The following TDRD12 variants were observed in gnomAD, a reference collection of about 807,000 sequenced individuals.
The protein encoded by TDRD12 is putative ATP-dependent RNA helicase TDRD12.
A neutral mutation model predicts 133.5 loss-of-function variants in TDRD12; 158 were observed. The observed-to-expected ratio is 1.18, with a 90% confidence interval of 1.04 to 1.35. TDRD12 has a LOEUF of 1.35. TDRD12 is among the 40% of genes most tolerant of loss of function. TDRD12 has a pLI of 0.00. For missense variants in TDRD12, 1,443 were observed against 1,321.3 expected (o/e 1.09, Z -1.43); for synonymous variants, 460 against 477.9 (o/e 0.96, Z 0.49).
chr19:32,764,674 T>C (rs1248474286), intron 8 of TDRD12, among the ~76,000 whole-genome samples: 2 of 152,362 alleles, frequency 1.3e-5, no homozygotes, highest in South Asian at 2.1e-4. Context: ...TTCCATTAAC[T>C]GTTCTGGCAA....
downstream of TDRD12, among the ~76,000 whole-genome samples, chr19:32,825,348 T>G (rs1967554796): frequency 6.6e-6 from 1 of 152,202 alleles, no homozygotes; most frequent in South Asian, 2.1e-4. The surrounding 1 kb of genome is among the most constrained non-coding windows in gnomAD (Gnocchi z 4.1). Flanking sequence ...GATGGAAGCC[T>G]TGCCTGTTGG....
At chr19:32,774,980 G>A (rs1392899692) in intron 10 of TDRD12, among the ~76,000 whole-genome samples, 11 of 149,086 alleles carry the variant, frequency 7.4e-5, no homozygotes, top group African/African-American at 2.0e-4. Context: ...ACAAGACTCC[G>A]TTTCAAAAAA....
chr19:32,781,584 T>C (rs1027012993), intron 11 of TDRD12, among the ~76,000 whole-genome samples: 5 of 152,178 alleles, frequency 3.3e-5, no homozygotes, highest in Admixed American at 2.6e-4. Context: ...ACTTGATCAA[T>C]AGTTTGGGTA....
At chr19:32,783,316 G>T (rs1018243242) in intron 11 of TDRD12, among the ~76,000 whole-genome samples, 1 of 152,114 alleles carries the variant, frequency 6.6e-6, no homozygotes, top group Non-Finnish European at 1.5e-5. Flanking sequence ...CTGTTCCATT[G>T]GTCTATATAT....
chr19:32,738,144 A>C (rs1969283289), intron 2 of TDRD12, among the ~76,000 whole-genome samples: 1 of 151,982 alleles, frequency 6.6e-6, no homozygotes, highest in African/African-American at 2.4e-5. Flanking sequence ...TCTCAAAAAA[A>C]ATAAAGAGTC....
chr19:32,787,627 G>A lies in TDRD12; in HGVS notation c.1122-2904G>A, dbSNP rs190563923. Among the ~76,000 whole-genome samples, 644 of 152,222 alleles carry A rather than the reference G, an allele frequency of 4.2e-3. 2 individuals are homozygous for A. The highest frequency in any genetic ancestry group is 0.014 in the African/African-American group (589 of 41,558). ...TTGTTTACACTGTGAGCATAGAACC[G>A]CCTACTCAACCTCAGCAATGGTGGA... is the stretch of plus-strand genomic sequence containing the variant. On this transcript the variant is annotated intron_variant, in intron 11 of 27. Transcript: ENST00000444215.
At chr19:32,751,530 A>G (rs1969826689) in intron 6 of TDRD12, among the ~76,000 whole-genome samples, 1 of 151,776 alleles carries the variant, frequency 6.6e-6, no homozygotes, top group South Asian at 2.1e-4. Context: ...CTTTCCCTCT[A>G]CATTTTTCTC....
chr19:32,808,453 G>A (rs907932990), intron 22 of TDRD12, among the ~76,000 whole-genome samples: 3 of 152,220 alleles, frequency 2.0e-5, no homozygotes, highest in East Asian at 1.9e-4. Context: ...TTGCATCTCC[G>A]CCAGCAGCCA....
downstream of TDRD12, among the ~76,000 whole-genome samples, chr19:32,822,943 T>C (rs77688533): frequency 0.017 from 2,553 of 152,276 alleles, 37 homozygotes; most frequent in Non-Finnish European, 0.029. Context: ...ATCTTAGAAA[T>C]TGCCCAGACA....
In TDRD12 at chr19:32,719,929, C is replaced by G. The variant is rs1017811808; in HGVS notation, c.-144C>G. 5 of 1,043,326 alleles carry G rather than the reference C, an allele frequency of 4.8e-6. No individual in the cohort carries two copies. In the African/African-American group the frequency reaches 6.3e-5, roughly 13 times the overall value. The allele number at this position is 1,043,326 out of a possible 1,614,324, so 64.6% of individuals were successfully genotyped here. ...GGGGACGAGGAGTGTGGGGCACCTGCCGCGGGGGGCCCAGGCGCTAAAGGT... is the reference window on the plus strand; with the variant it reads ...GGGGACGAGGAGTGTGGGGCACCTGGCGCGGGGGGCCCAGGCGCTAAAGGT... On this transcript the variant is annotated 5_prime_UTR_variant, in exon 1 of 28. Transcript: ENST00000444215.
downstream of TDRD12, chr19:32,829,508 C>T (rs779552404): frequency 6.6e-6 from 1 of 152,212 alleles, no homozygotes; most frequent in Non-Finnish European, 1.5e-5. Flanking sequence ...CTTCTAAAAT[C>T]GCTCATGCTT....
rs1355041304 is a variant in TDRD12 at position 32,798,437 on chromosome 19, T to C, written c.1758+2T>C. The C allele has an allele frequency of 4.6e-6, 7 of 1,531,710 alleles. No homozygotes were observed. The South Asian group carries it at 8.3e-5, about 18-fold the overall frequency. 94.9% of individuals were successfully genotyped at this position (1,531,710 alleles called of 1,614,324 possible). On this transcript the variant is annotated splice_donor_variant, in intron 16 of 27. Transcript: ENST00000444215. LOFTEE classifies it high-confidence loss of function. ...CTATTCTTGGAAGCCAATGAACAGGTGAGCGTGGCTTAAGGTCCTCAGCAC... is the reference window on the plus strand; with the variant it reads ...CTATTCTTGGAAGCCAATGAACAGGCGAGCGTGGCTTAAGGTCCTCAGCAC...
chr19:32,818,656 G>A (rs1242586939), intron 27 of TDRD12, among the ~76,000 whole-genome samples: 1 of 152,202 alleles, frequency 6.6e-6, no homozygotes, highest in Non-Finnish European at 1.5e-5. Context: ...CTCGTGGCAG[G>A]GCCTGGGAGC....
At position 32,767,623 on chromosome 19, in the gene TDRD12, C is replaced by T. The variant is rs140422374; in HGVS notation, c.866-5130C>T. Among the ~76,000 whole-genome samples the T allele has an allele frequency of 1.2e-4, 18 of 152,214 alleles. No individual in the cohort carries two copies. The East Asian group carries it at 3.5e-3, about 29-fold the overall frequency. On this transcript the variant is annotated intron_variant, in intron 8 of 27. Coordinates refer to ENST00000444215, the Ensembl canonical transcript of TDRD12. Reference sequence around the variant, plus strand: ...GGCCTTGCCATCCTGAAGGTTTTGCCGCCATCCTCCTATTCAATTTATTTA... The same window carrying T: ...GGCCTTGCCATCCTGAAGGTTTTGCTGCCATCCTCCTATTCAATTTATTTA...
chr19:32,828,597 G>A (rs553043045), exon 10 of TDRD12: 3 of 152,240 alleles, frequency 2.0e-5, no homozygotes, highest in East Asian at 3.9e-4. Context: ...GTTGTGTGAC[G>A]GCCCCAAGAT....
chr19:32,825,990 C>A, downstream of TDRD12: 3 of 699,960 alleles, frequency 4.3e-6, no homozygotes, highest in Non-Finnish European at 2.3e-6. This position sits in a 1 kb window ranked among gnomAD's most constrained non-coding sequence, Gnocchi z 4.1. Context: ...TTATGTGATT[C>A]CTCATCTAGA....
chr19:32,760,485 C>A (rs145789605), intron 8 of TDRD12, among the ~76,000 whole-genome samples: 1 of 152,160 alleles, frequency 6.6e-6, no homozygotes, highest in Admixed American at 6.5e-5. Flanking sequence ...CTTGATTAAA[C>A]AATCACATAT....
rs1329890348 is a variant in TDRD12 at position 32,757,068 on chromosome 19, C to T, written c.803C>T (p.Ser268Phe). Residue 268 changes from serine (S) to phenylalanine (F), a missense_variant, in exon 8 of 28, where the codon TCT (serine) becomes TTT (phenylalanine). Transcript: ENST00000444215. ...CATGGTGTAAATTTTCCGGCACAAT[C>T]TCTGCAACATACATGGTGCAAGGGT... is the stretch of plus-strand genomic sequence containing the variant. The T allele has an allele frequency of 3.2e-6, 5 of 1,551,734 alleles. No homozygotes were observed. The highest frequency in any genetic ancestry group is 4.4e-6 in the Non-Finnish European group (5 of 1,147,020).
chr19:32,730,670 A>C (rs1179284015), intron 1 of TDRD12, among the ~76,000 whole-genome samples: 2 of 151,768 alleles, frequency 1.3e-5, no homozygotes, highest in African/African-American at 4.8e-5. Context: ...TTTTTGCCCA[A>C]ATCTTGAGAT....
Sources: gnomAD v4.1 joint callset for allele counts (sites outside exome capture counted in the v4.1 genomes callset) on GRCh38, gnomAD v4.1.1 for gene constraint, Gnocchi (gnomAD v3.1) non-coding constraint, MANE v1.5 for transcripts, NCBI Gene and HGNC (gene_info 2026-07-23, HGNC 2026-07-21) for gene names.